The following ANO4 variants were observed in gnomAD, a reference collection of about 807,000 sequenced individuals.
ANO4 encodes the protein anoctamin-4.
ANO4 carries 69 observed loss-of-function variants against 141.9 expected under a neutral mutation model. The observed-to-expected ratio is 0.49, with a 90% CI of 0.40 to 0.59. The LOEUF (loss-of-function observed/expected upper bound fraction) is 0.59, where lower values mean the gene tolerates loss of function less well. ANO4 is among the 20% of genes least tolerant of loss of function. The pLI, the probability that ANO4 is intolerant of heterozygous loss-of-function variation, is 0.00. For synonymous variants in ANO4, 350 were observed against 394.3 expected (o/e 0.89, Z 1.33); for missense variants, 894 against 1,162.2 (o/e 0.77, Z 3.36).
chr12:100,829,836 A>G (rs1054994520), intron 1 of ANO4, among the ~76,000 whole-genome samples: 6 of 152,074 alleles, frequency 3.9e-5, no homozygotes, highest in South Asian at 2.1e-4. Context: ...AGTGGGTGCC[A>G]TAGCTTTCAG....
chr12:100,899,515 A>C (rs1219047590), intron 1 of ANO4, among the ~76,000 whole-genome samples: 1 of 152,188 alleles, frequency 6.6e-6, no homozygotes, highest in Non-Finnish European at 1.5e-5. Context: ...TCTTGAACTT[A>C]GTCTGTTTCT....
intron 3 of ANO4, among the ~76,000 whole-genome samples, chr12:100,749,647 A>T (rs757769277): frequency 2.0e-5 from 3 of 152,246 alleles, no homozygotes; most frequent in Non-Finnish European, 2.9e-5. Flanking sequence ...TTAATGATGT[A>T]GCTATGAAGT....
chr12:100,993,225 T>C (rs541124446), intron 8 of ANO4, among the ~76,000 whole-genome samples: 1 of 152,282 alleles, frequency 6.6e-6, no homozygotes, highest in Admixed American at 6.5e-5. Flanking sequence ...CAGCCTAGCA[T>C]TCCATTTGAA....
intron 10 of ANO4, 52 bp from the exon 11 acceptor site, chr12:101,039,903 C>T: frequency 6.4e-7 from 1 of 1,564,420 alleles, no homozygotes; most frequent in Non-Finnish European, 8.7e-7. Flanking sequence ...ATCAGCATTT[C>T]CTTGTGACTT....
chr12:101,023,011 T>C lies in ANO4; in HGVS notation c.841+2871T>C, dbSNP rs142934309. On this transcript the variant is annotated intron_variant, in intron 9 of 27. Transcript: ENST00000392977. The stretch of plus-strand genomic sequence containing the variant: ...GCCTCGGCCTCTCAAAACGACTCTT[T>C]ATGAGACACTAGTGTATTAAGAATC... 1.6e-4 allele frequency among the ~76,000 whole-genome samples: 24 copies of C among 152,308 alleles called. No individual in the cohort carries two copies. The East Asian group carries it at 4.6e-3, about 29-fold the overall frequency.
At chr12:101,029,771 A>C (rs113080127) in intron 9 of ANO4, among the ~76,000 whole-genome samples, 22,647 of 151,630 alleles carry the variant, frequency 0.15, 1,879 homozygotes, top group Admixed American at 0.21. Context: ...TTAGCTGGGT[A>C]TGGTGGCATG....
intron 3 of ANO4, among the ~76,000 whole-genome samples, chr12:100,923,564 C>A (rs867461802): frequency 2.8e-4 from 42 of 152,226 alleles, no homozygotes; most frequent in African/African-American, 9.2e-4. Flanking sequence ...GGTTCCAAGT[C>A]TTTGCTATTG....
chr12:101,068,453 G>A, intron 14 of ANO4: 1 of 912,402 alleles, frequency 1.1e-6, no homozygotes, highest in Non-Finnish European at 1.8e-6. Context: ...CTCCCATGAA[G>A]CCTTTCTTTA....
At chr12:100,753,913 C>T (rs2032496809) in intron 3 of ANO4, among the ~76,000 whole-genome samples, 1 of 152,186 alleles carries the variant, frequency 6.6e-6, no homozygotes, top group Non-Finnish European at 1.5e-5. Context: ...TCTGTGTTCC[C>T]TGTTTCAACA....
rs539624156 is a variant in ANO4, at chr12:101,126,781, A to C, written c.2677-98A>C. 5.2e-5 allele frequency: 60 copies of C among 1,149,218 alleles called. No individual in the cohort carries two copies. In the South Asian group the frequency reaches 8.9e-4, roughly 17 times the overall value. The allele number at this position is 1,149,218 out of a possible 1,614,324, so 71.2% of individuals were successfully genotyped here. Reference sequence around the variant, plus strand: ...CTCCCCTGGTCACTTTGCACTCTCCACATACCCCAGAGGGTCCACATCCTT... The same window carrying C: ...CTCCCCTGGTCACTTTGCACTCTCCCCATACCCCAGAGGGTCCACATCCTT... On this transcript the variant is annotated intron_variant, in intron 26 of 27. Coordinates refer to ENST00000392977, the MANE Select transcript of ANO4 (RefSeq NM_001286615.2).
intron 14 of ANO4, among the ~76,000 whole-genome samples, chr12:101,077,768 T>C (rs1017497340): frequency 6.6e-6 from 1 of 152,138 alleles, no homozygotes; most frequent in Non-Finnish European, 1.5e-5. Context: ...CTCACATCAG[T>C]CCAGGTCAGG....
At chr12:100,976,153 C>T (rs551192615) in intron 7 of ANO4, among the ~76,000 whole-genome samples, 57 of 152,244 alleles carry the variant, frequency 3.7e-4, no homozygotes, top group African/African-American at 1.3e-3. Flanking sequence ...CTGAGCTGAG[C>T]TGATGGTTAA....
At chr12:101,110,727 G>A (rs1234353742) in intron 23 of ANO4, among the ~76,000 whole-genome samples, 171 bp downstream of exon 23, 18 of 152,120 alleles carry the variant, frequency 1.2e-4, no homozygotes, top group Admixed American at 1.2e-3. Context: ...AAGAAGTAAA[G>A]CTACCTATTT....
intron 1 of ANO4, among the ~76,000 whole-genome samples, chr12:100,719,637 C>T (rs964227147): frequency 6.6e-6 from 1 of 152,140 alleles, no homozygotes; most frequent in Non-Finnish European, 1.5e-5. Flanking sequence ...TTATCTTTAG[C>T]ACAGGGGCTG....
intron 6 of ANO4, among the ~76,000 whole-genome samples, chr12:100,974,046 A>T (rs1047253340): frequency 6.6e-6 from 1 of 152,212 alleles, no homozygotes; most frequent in South Asian, 2.1e-4. Context: ...TTATTATTCC[A>T]TTCAGTTTCG....
intron 7 of ANO4, among the ~76,000 whole-genome samples, chr12:100,975,960 C>T (rs1371810324): frequency 1.4e-5 from 2 of 143,998 alleles, no homozygotes; most frequent in African/African-American, 5.1e-5. Context: ...AAAAAACCCA[C>T]CAGATGAAGA....
At chr12:101,119,609 G>C (rs1172495649) in intron 25 of ANO4, among the ~76,000 whole-genome samples, 1 of 152,024 alleles carries the variant, frequency 6.6e-6, no homozygotes, top group Non-Finnish European at 1.5e-5. Flanking sequence ...TGACATAATA[G>C]TAAAAAAAGC....
chr12:100,870,963 A>G (rs145924597), intron 1 of ANO4, among the ~76,000 whole-genome samples: 10 of 152,234 alleles, frequency 6.6e-5, no homozygotes, highest in African/African-American at 1.7e-4. Context: ...CTCTGCCTTC[A>G]TTTCGTTATT....
chr12:100,724,765 G>A (rs2031031281), intron 1 of ANO4, among the ~76,000 whole-genome samples: 1 of 152,178 alleles, frequency 6.6e-6, no homozygotes. Flanking sequence ...CAGGCCCAGG[G>A]AGGTTAGGTG....
Sources: allele counts gnomAD v4.1 joint callset (sites outside exome capture counted in the v4.1 genomes callset), GRCh38; gene constraint gnomAD v4.1.1; transcripts MANE v1.5; gene names NCBI Gene and HGNC (gene_info 2026-07-23, HGNC 2026-07-21).